Variants in PARP1 observed in about 807,000 individuals in gnomAD.
The protein encoded by PARP1 is poly(ADP-ribose) polymerase 1.
PARP1 carries 44 observed loss-of-function variants against 118.7 expected under a neutral mutation model. The ratio of observed to expected loss-of-function variants is 0.37; its 90% CI spans 0.29 to 0.48. The LOEUF (loss-of-function observed/expected upper bound fraction) is 0.48, where lower values mean the gene tolerates loss of function less well. Among genes scored for constraint, PARP1 ranks in the 20% least tolerant of loss-of-function variants. The probability of loss-of-function intolerance (pLI) is 0.99; values close to 1 mark genes in which losing one functional copy is unlikely to be tolerated. For synonymous variants in PARP1, 492 were observed against 483.2 expected, an observed-to-expected ratio of 1.02 and a Z score of -0.24; for missense variants, 1,100 against 1,272.4, an observed-to-expected ratio of 0.86 and a Z score of 2.06.
chr1:226,408,036 G>GGCCAGAGCC lies in PARP1; in HGVS notation c.-116_-108dup. 1 of 1,520,928 alleles carries GGCCAGAGCC rather than the reference G, an allele frequency of 6.6e-7. No homozygotes were observed. The highest frequency in any genetic ancestry group is 1.8e-5 in the Admixed American group (1 of 54,096). 94.2% of individuals were successfully genotyped at this position (1,520,928 alleles called of 1,614,324 possible). A position where few individuals can be genotyped will look rare whatever the true frequency, so the allele number is the denominator to read the frequency against. ...CTCACCCAGCCGCAGGCGCCTGAGC[G>GGCCAGAGCC]GCCAGAGCCGCCACCGAACACGCCG... On this transcript the variant is annotated 5_prime_UTR_variant, in exon 1 of 23. Coordinates refer to ENST00000366794, the MANE Select transcript of PARP1 (RefSeq NM_001618.4).
chr1:226,362,469 T>TTTAA (rs1379717961), intron 21 of PARP1, among the ~76,000 whole-genome samples: 3 of 152,216 alleles, frequency 2.0e-5, no homozygotes, highest in African/African-American at 7.2e-5. Context: ...AGACATGCTC[T>TTTAA]ATCTTTCTTC....
At chr1:226,389,914 C>G (rs1017831256) in intron 4 of PARP1, among the ~76,000 whole-genome samples, 1 of 152,110 alleles carries the variant, frequency 6.6e-6, no homozygotes, top group African/African-American at 2.4e-5. Context: ...CACTGATGGT[C>G]CTTCCCATTC....
chr1:226,367,708 C>T (rs910172707), intron 16 of PARP1, 100 bp from the exon 17 acceptor site: 3 of 1,346,684 alleles, frequency 2.2e-6, no homozygotes, highest in South Asian at 2.4e-5. Flanking sequence ...AGGTCCAACA[C>T]AGTGAATGGC....
chr1:226,396,047 T>TA (rs916588375), intron 2 of PARP1, among the ~76,000 whole-genome samples: 4 of 152,044 alleles, frequency 2.6e-5, no homozygotes, highest in African/African-American at 9.7e-5. Flanking sequence ...ACTCTACACT[T>TA]AAAAATGGTT....
chr1:226,382,005 C>T lies in PARP1; in HGVS notation c.1160-797G>A, dbSNP rs3219071. Among the ~76,000 whole-genome samples, 1,003 of 152,306 alleles carry T rather than the reference C, an allele frequency of 6.6e-3. 14 individuals are homozygous for T. Among genetic ancestry groups the T allele is most frequent in the African/African-American group, 0.023 (952 of 41,560 alleles). ...CTCCATGGAGGGGTCAGAATGCCAG[C>T]CCCCAACTGGCCCTTCATGTGGGCA... On this transcript the variant is annotated intron_variant, in intron 8 of 22. Coordinates refer to ENST00000366794, the MANE Select transcript of PARP1 (RefSeq NM_001618.4).
Position 226,379,582 on chromosome 1 carries a change from G to A in PARP1, c.1603C>T (p.Pro535Ser). 1 of 1,612,994 alleles carries A rather than the reference G, an allele frequency of 6.2e-7. No homozygotes were observed. The highest frequency in any genetic ancestry group is 1.3e-5 in the African/African-American group (1 of 75,032). Residue 535 changes from proline (P) to serine (S), a missense_variant, in exon 11 of 23, where the codon CCT becomes TCT. This residue lies in a region of PARP1 where 948 missense variants were observed against 1,031.8 expected (regional missense o/e 0.92). Coordinates refer to ENST00000366794, the MANE Select transcript of PARP1 (RefSeq NM_001618.4). ...AGTCCTGTTTGCTTACCAGAATCAG[G>A]ATCCACAGCTGCTCCTCCTTTAAGA... ...LTLKGGAAVD[P>S]DSGLEHSAHV... is the part of the protein sequence containing the mutation.
At chr1:226,396,652 C>A (rs1249598101) in intron 2 of PARP1, among the ~76,000 whole-genome samples, 1 of 152,152 alleles carries the variant, frequency 6.6e-6, no homozygotes, top group East Asian at 1.9e-4. Flanking sequence ...TAGGTAGTAT[C>A]CTAACTGTAT....
intron 2 of PARP1, among the ~76,000 whole-genome samples, chr1:226,397,264 T>C (rs1021386086): frequency 6.6e-6 from 1 of 151,822 alleles, no homozygotes; most frequent in African/African-American, 2.4e-5. Context: ...GAAACTGCAG[T>C]GAGCTAAGAT....
chr1:226,373,846 G>A (rs1404149476), intron 14 of PARP1, among the ~76,000 whole-genome samples: 4 of 152,066 alleles, frequency 2.6e-5, no homozygotes, highest in African/African-American at 9.7e-5. Flanking sequence ...GGCCGGGCAC[G>A]ATGGCTCACA....
intron 1 of PARP1, among the ~76,000 whole-genome samples, chr1:226,405,632 A>C (rs1456267430): frequency 6.6e-6 from 1 of 152,114 alleles, no homozygotes; most frequent in African/African-American, 2.4e-5. Flanking sequence ...GATCAGGTTC[A>C]GTTTCCTCCA....
chr1:226,396,664 G>T (rs1211596167), intron 2 of PARP1, among the ~76,000 whole-genome samples: 1 of 152,254 alleles, frequency 6.6e-6, no homozygotes, highest in South Asian at 2.1e-4. Context: ...TAACTGTATG[G>T]TTATGATGGT....
intron 7 of PARP1, among the ~76,000 whole-genome samples, 194 bp from the exon 8 acceptor site, chr1:226,383,377 C>A (rs146105046): frequency 6.6e-6 from 1 of 152,022 alleles, no homozygotes; most frequent in Admixed American, 6.5e-5. Flanking sequence ...TACTTATTTC[C>A]GGTACTTTTA....
chr1:226,367,549 CCT>C lies in PARP1; in HGVS notation c.2335_2336del (p.Arg779GlyfsTer4). 1 of 1,614,138 alleles carries C rather than the reference CCT, an allele frequency of 6.2e-7. No homozygotes were observed. The highest frequency in any genetic ancestry group is 8.5e-7 in the Non-Finnish European group (1 of 1,180,002). ...CCTTGCTGCTATCATCAGACCCTCCCCTGAGCAGACTGTAGGCCACCTCGATG... is the reference window on the plus strand; with the variant it reads ...CCTTGCTGCTATCATCAGACCCTCCCGAGCAGACTGTAGGCCACCTCGATG... Reference protein sequence around the residue: ...LDIEVAYSLLRGGSDDSSKDP... With the variant: ...LDIEVAYSLLXGGSDDSSKDP... On this transcript the variant is annotated frameshift_variant, in exon 17 of 23. Coordinates refer to ENST00000366794, the MANE Select transcript of PARP1 (RefSeq NM_001618.4). LOFTEE classifies it high-confidence loss of function.
At chr1:226,400,012 C>T (rs912809709) in intron 2 of PARP1, among the ~76,000 whole-genome samples, 4 of 151,230 alleles carry the variant, frequency 2.6e-5, no homozygotes, top group South Asian at 2.1e-4. Flanking sequence ...CCAACAACAA[C>T]GAAAAAAGTT....
chr1:226,364,023 G>A lies in PARP1; in HGVS notation c.2706C>T (p.Ser902=), dbSNP rs755691450. 2 of 1,613,880 alleles carry A rather than the reference G, an allele frequency of 1.2e-6. No individual in the cohort carries two copies. Among genetic ancestry groups the A allele is most frequent in the South Asian group, 2.2e-5 (2 of 91,076 alleles). ...GKGIYFADMV[S]KSANYCHTSQ... is the part of the protein sequence containing the mutation. Reference sequence around the variant, plus strand: ...ACGTATGGCAGTAGTTGGCACTCTTGGAGACCATGTCAGCGAAATAGATCC... The same window carrying A: ...ACGTATGGCAGTAGTTGGCACTCTTAGAGACCATGTCAGCGAAATAGATCC... Residue 902 remains serine (S), a synonymous_variant, in exon 20 of 23, where the codon TCC becomes TCT. Transcript: ENST00000366794.
At chr1:226,399,633 A>G (rs768434025) in intron 2 of PARP1, among the ~76,000 whole-genome samples, 17 of 152,238 alleles carry the variant, frequency 1.1e-4, no homozygotes, top group Non-Finnish European at 2.2e-4. Context: ...GACAGAATGT[A>G]CAATGCAAAG....
At chr1:226,396,456 G>C (rs1224140469) in intron 2 of PARP1, among the ~76,000 whole-genome samples, 2 of 150,192 alleles carry the variant, frequency 1.3e-5, no homozygotes, top group Admixed American at 6.6e-5. Flanking sequence ...ACTTAGAGTA[G>C]GATCTCAATT....
chr1:226,392,329 A>G lies in PARP1; in HGVS notation c.287-15T>C, dbSNP rs1161133906. The G allele has an allele frequency of 2.5e-6, 4 of 1,575,854 alleles. No homozygotes were observed. In the African/African-American group the frequency reaches 4.0e-5, roughly 16 times the overall value. The stretch of plus-strand genomic sequence containing the variant: ...CTGGCCTTTGCCTGGAGAATCAAAC[A>G]GACAGCAATGCTCATCTCAACAGCC... On this transcript the variant is annotated splice_polypyrimidine_tract_variant and intron_variant, in intron 2 of 22. Coordinates refer to ENST00000366794, the MANE Select transcript of PARP1 (RefSeq NM_001618.4).
chr1:226,373,326 A>AGCCT (rs1335427488), intron 14 of PARP1, among the ~76,000 whole-genome samples: 1 of 152,222 alleles, frequency 6.6e-6, no homozygotes, highest in East Asian at 1.9e-4. Context: ...GAACAAAGGG[A>AGCCT]ATAACCAAAT....
Sources: allele counts gnomAD v4.1 joint callset (sites outside exome capture counted in the v4.1 genomes callset), GRCh38; gene constraint gnomAD v4.1.1; regional missense constraint gnomAD v4.1.1; transcripts MANE v1.5; gene names NCBI Gene and HGNC (gene_info 2026-07-23, HGNC 2026-07-21).